Variants in DLG1 observed in about 807,000 individuals in gnomAD.
DLG1 encodes disks large homolog 1.
A neutral mutation model predicts 123.4 loss-of-function variants in DLG1; 42 were observed. The observed-to-expected ratio is 0.34, with a 90% CI of 0.27 to 0.44. DLG1 has a LOEUF of 0.44. DLG1 is among the 20% of genes least tolerant of loss of function. DLG1 has a pLI of 1.00. For synonymous variants in DLG1, 317 were observed against 356.2 expected (o/e 0.89, Z 1.24); for missense variants, 942 against 1,082.6 (o/e 0.87, Z 1.82).
chr3:197,069,101 T>C (rs1741750633), intron 19 of DLG1, 118 bp downstream of exon 19: 1 of 572,940 alleles, frequency 1.7e-6, no homozygotes, highest in Admixed American at 3.9e-5. Flanking sequence ...TCTCCCTGAT[T>C]TTAAAATAAC....
chr3:197,105,626 C>T (rs1314309032), intron 13 of DLG1, among the ~76,000 whole-genome samples: 1 of 152,134 alleles, frequency 6.6e-6, no homozygotes, highest in Non-Finnish European at 1.5e-5. Context: ...TCCAATTCTA[C>T]CAGTAGGTAC....
At chr3:197,236,647 T>A (rs1746117681) in intron 4 of DLG1, among the ~76,000 whole-genome samples, 1 of 152,152 alleles carries the variant, frequency 6.6e-6, no homozygotes, top group Non-Finnish European at 1.5e-5. Context: ...CAAAGGTGGG[T>A]TGTCCCTAAA....
chr3:197,162,911 GAC>G (rs971008205), intron 5 of DLG1, among the ~76,000 whole-genome samples: 1 of 152,150 alleles, frequency 6.6e-6, no homozygotes, highest in African/African-American at 2.4e-5. Flanking sequence ...CAAGTGAAAA[GAC>G]AGCCTACACA....
rs575221387 is a variant in DLG1, at chr3:197,179,126, T to G, written c.483+15299A>C. Among the ~76,000 whole-genome samples the G allele has an allele frequency of 5.0e-4, 76 of 152,230 alleles. 1 individual carries two copies. The highest frequency in any genetic ancestry group is 1.5e-3 in the African/African-American group (64 of 41,520). On this transcript the variant is annotated intron_variant, in intron 5 of 24. Transcript: ENST00000667157. ...AAGACCAGGAATCAGGTATTGGAAG[T>G]TTAACGTGCAGTCTGCGAGTTGGTA...
At chr3:197,198,139 AAAACAAAC>A (rs201514965) in intron 4 of DLG1, among the ~76,000 whole-genome samples, 15,320 of 87,020 alleles carry the variant, frequency 0.18, 1,000 homozygotes, top group Middle Eastern at 0.24. Flanking sequence ...AAAACAAAAC[AAAACAAAC>A]AAAAAAATAC....
intron 2 of DLG1, 86 bp from the exon 3 acceptor site, chr3:197,296,563 C>A: frequency 8.0e-7 from 1 of 1,255,588 alleles, no homozygotes; most frequent in Non-Finnish European, 1.1e-6. Context: ...TGCATGACAT[C>A]TAAATAGTTC....
At chr3:197,048,357 G>A (rs1275810803) in intron 24 of DLG1, among the ~76,000 whole-genome samples, 1 of 152,174 alleles carries the variant, frequency 6.6e-6, no homozygotes, top group East Asian at 1.9e-4. Flanking sequence ...TGTAATCCCA[G>A]CTATTCAGGA....
chr3:197,222,876 T>G (rs557207295), intron 4 of DLG1, among the ~76,000 whole-genome samples: 2 of 152,312 alleles, frequency 1.3e-5, no homozygotes, highest in East Asian at 3.9e-4. Flanking sequence ...CTTAGGGCAG[T>G]TAGTAAAGGC....
rs1214367545 is a variant in DLG1 at position 197,136,348 on chromosome 3, G to GAGCT, written c.1020+190_1020+193dup. 7 of 521,982 alleles carry GAGCT rather than the reference G, an allele frequency of 1.3e-5. No individual in the cohort carries two copies. The African/African-American group carries it at 1.3e-4, about 10-fold the overall frequency. The allele number at this position is 521,982 out of a possible 1,614,324, so 32.3% of individuals were successfully genotyped here. On this transcript the variant is annotated intron_variant, in intron 10 of 24. Coordinates refer to ENST00000667157, the MANE Select transcript of DLG1 (RefSeq NM_001366207.1). ...AAGGAATAAAAGGAAAAGGGAGGAG[G>GAGCT]AGCTAGCAGAGAAAAGAGAAATGAC...
At chr3:197,110,070 ATTCT>A (rs1429881755) in intron 13 of DLG1, among the ~76,000 whole-genome samples, 1 of 152,176 alleles carries the variant, frequency 6.6e-6, no homozygotes, top group Non-Finnish European at 1.5e-5. Flanking sequence ...TTATTCAAAT[ATTCT>A]TTCTTCTTTT....
chr3:197,062,430 G>T (rs1026660220), intron 22 of DLG1, among the ~76,000 whole-genome samples: 1 of 152,124 alleles, frequency 6.6e-6, no homozygotes, highest in Admixed American at 6.5e-5. Context: ...GGCCATCTGT[G>T]TTTGTTTATA....
chr3:197,170,018 T>G (rs1047591418), intron 5 of DLG1, among the ~76,000 whole-genome samples: 1 of 152,202 alleles, frequency 6.6e-6, no homozygotes, highest in Non-Finnish European at 1.5e-5. Context: ...GGTATTTGAT[T>G]TTTTGTTCCT....
At chr3:197,252,069 C>T (rs1042654260) in intron 4 of DLG1, among the ~76,000 whole-genome samples, 17 of 151,936 alleles carry the variant, frequency 1.1e-4, no homozygotes, top group Non-Finnish European at 2.1e-4. Context: ...TTGTTCCTTG[C>T]TTTTTATGAC....
intron 5 of DLG1, among the ~76,000 whole-genome samples, chr3:197,163,450 G>A (rs370846464): frequency 6.6e-6 from 1 of 152,040 alleles, no homozygotes; most frequent in South Asian, 2.1e-4. Flanking sequence ...CAGTCAAAAG[G>A]CGGAAAGAAA....
At position 197,194,552 on chromosome 3, in the gene DLG1, T is replaced by C. The variant is rs1419972113; in HGVS notation, c.356A>G (p.Glu119Gly). ...ATTTGTGATTTGTGGGGAAATATGC[T>C]CTTGAGGAGGTGTATCTTCATCCTG... Reference protein sequence around the residue: ...RYQDEDTPPQEHISPQITNEV... With the variant: ...RYQDEDTPPQGHISPQITNEV... The change falls in exon 5 of 25, where the codon GAG (glutamate) becomes GGG (glycine). Residue 119 changes from glutamate (E) to glycine (G), a missense_variant. Coordinates refer to ENST00000667157, the MANE Select transcript of DLG1 (RefSeq NM_001366207.1). 6 of 1,605,574 alleles carry C rather than the reference T, an allele frequency of 3.7e-6. No homozygotes were observed. Among genetic ancestry groups the C allele is most frequent in the Middle Eastern group, 1.7e-4 (1 of 6,044 alleles).
At chr3:197,195,380 A>G (rs1349910385) in intron 4 of DLG1, among the ~76,000 whole-genome samples, 2 of 152,180 alleles carry the variant, frequency 1.3e-5, no homozygotes, top group African/African-American at 4.8e-5. Flanking sequence ...CTGGGAAAAA[A>G]ACCAGTCAAT....
At chr3:197,116,148 GAA>G in intron 12 of DLG1, 65 bp from the exon 13 acceptor site, 2 of 1,272,208 alleles carry the variant, frequency 1.6e-6, no homozygotes, top group Non-Finnish European at 2.2e-6. Flanking sequence ...CTATCAGTGA[GAA>G]CTACCTACTG....
intron 5 of DLG1, among the ~76,000 whole-genome samples, chr3:197,165,638 G>A (rs1801039057): frequency 6.6e-6 from 1 of 152,088 alleles, no homozygotes; most frequent in African/African-American, 2.4e-5. Context: ...TCCACATTAT[G>A]AGCTCAAAAT....
At position 197,237,755 on chromosome 3, in the gene DLG1, C is replaced by T. The variant is rs564676211; in HGVS notation, c.319-43166G>A. Among the ~76,000 whole-genome samples, 7 of 152,260 alleles carry T rather than the reference C, an allele frequency of 4.6e-5. No homozygotes were observed. In the East Asian group the frequency reaches 1.4e-3, roughly 29 times the overall value. ...GTATAGTCAGGAGACGGGATTTTCC[C>T]CACTATCCAGCAGTAACAAGGTGCA... On this transcript the variant is annotated intron_variant, in intron 4 of 24. Coordinates refer to ENST00000667157, the MANE Select transcript of DLG1 (RefSeq NM_001366207.1).
Sources: allele counts gnomAD v4.1 joint callset (sites outside exome capture counted in the v4.1 genomes callset), GRCh38; gene constraint gnomAD v4.1.1; transcripts MANE v1.5; gene names NCBI Gene and HGNC (gene_info 2026-07-23, HGNC 2026-07-21).